ABR: variants seen among roughly 807,000 people sequenced by gnomAD.
The protein encoded by ABR is active breakpoint cluster region-related protein.
ABR carries 35 observed loss-of-function variants against 107.2 expected under a neutral mutation model. The observed-to-expected ratio is 0.33, with a 90% CI of 0.25 to 0.43. ABR has a LOEUF of 0.43. ABR is among the 20% of genes least tolerant of loss of function. The probability of loss-of-function intolerance (pLI) is 1.00; values close to 1 mark genes in which losing one functional copy is unlikely to be tolerated. For missense variants in ABR, 815 were observed against 1,115.2 expected, an observed-to-expected ratio of 0.73 and a Z score of 3.83; for synonymous variants, 498 against 462.0, an observed-to-expected ratio of 1.08 and a Z score of -1.00.
At chr17:1,061,640 G>C (rs1308167611) in intron 10 of ABR, among the ~76,000 whole-genome samples, 3 of 151,820 alleles carry the variant, frequency 2.0e-5, no homozygotes, top group Non-Finnish European at 4.4e-5. Context: ...TCCACCTCCC[G>C]GGTTCACACA....
chr17:1,179,791 CG>C lies in ABR; in HGVS notation c.-65del. On this transcript the variant is annotated 5_prime_UTR_variant, in exon 1 of 23. Coordinates refer to ENST00000302538, the MANE Select transcript of ABR (RefSeq NM_021962.5). The surrounding 1 kb of genome is among the most constrained non-coding windows in gnomAD (Gnocchi z 4.9). Reference sequence around the variant, plus strand: ...TCATCGCGCAACAAAGGAGGGAGAGCGGGCGGGAGCCGGGGGAGGCCGAAGT... The same window carrying C: ...TCATCGCGCAACAAAGGAGGGAGAGCGGCGGGAGCCGGGGGAGGCCGAAGT... The C allele has an allele frequency of 1.0e-5, 3 of 288,650 alleles. No individual in the cohort carries two copies. The highest frequency in any genetic ancestry group is 2.1e-5 in the Non-Finnish European group (3 of 141,796). 17.9% of individuals were successfully genotyped at this position (288,650 alleles called of 1,614,324 possible).
At chr17:1,062,901 G>A (rs1252230899) in intron 10 of ABR, among the ~76,000 whole-genome samples, 1 of 143,732 alleles carries the variant, frequency 7.0e-6, no homozygotes, top group African/African-American at 2.5e-5. Flanking sequence ...GGCTATGCAT[G>A]TTCCTCTAGA....
At chr17:1,103,254 G>T (rs1567761405) in intron 2 of ABR, among the ~76,000 whole-genome samples, 1 of 151,902 alleles carries the variant, frequency 6.6e-6, no homozygotes, top group Non-Finnish European at 1.5e-5. Flanking sequence ...ACCGAGAGTC[G>T]GGACTGCCAG....
At chr17:1,023,127 T>A (rs2457276) in intron 16 of ABR, among the ~76,000 whole-genome samples, 16,295 of 88,474 alleles carry the variant, frequency 0.18, 1,323 homozygotes, top group Middle Eastern at 0.26. Flanking sequence ...CTACAGCGCC[T>A]CTGCCGGCCC....
chr17:1,173,592 A>G (rs1175410802), intron 1 of ABR, among the ~76,000 whole-genome samples: 2 of 151,990 alleles, frequency 1.3e-5, no homozygotes, highest in African/African-American at 4.8e-5. Context: ...AGCGAGTACA[A>G]TGACCAAATC....
rs1272729256 is a variant in ABR at position 1,084,824 on chromosome 17, T to C, written c.532-1197A>G. Among the ~76,000 whole-genome samples the C allele has an allele frequency of 6.6e-6, 1 of 152,222 alleles. No homozygotes were observed. Among genetic ancestry groups the C allele is most frequent in the African/African-American group, 2.4e-5 (1 of 41,456 alleles). ...TAAACTCCCTGTTTTTGTTTTTGTTTTGAGATGGAGTTTCGCTCTTGTTGC... is the reference window on the plus strand; with the variant it reads ...TAAACTCCCTGTTTTTGTTTTTGTTCTGAGATGGAGTTTCGCTCTTGTTGC... On this transcript the variant is annotated intron_variant, in intron 4 of 22. Transcript: ENST00000302538. This position sits in a 1 kb window ranked among gnomAD's most constrained non-coding sequence, Gnocchi z 4.2.
At chr17:1,025,125 A>AAAAAAAAAAAAAAAC in intron 16 of ABR, among the ~76,000 whole-genome samples, 1 of 141,172 alleles carries the variant, frequency 7.1e-6, no homozygotes. Context: ...GTCTCAAAAA[A>AAAAAAAAAAAAAAAC]AAAAAAAAAA....
chr17:1,089,100 G>A (rs1279631790), intron 4 of ABR, among the ~76,000 whole-genome samples: 1 of 151,976 alleles, frequency 6.6e-6, no homozygotes, highest in Non-Finnish European at 1.5e-5. Context: ...GTTCCACCAT[G>A]TAGGCCAGGC....
intron 10 of ABR, among the ~76,000 whole-genome samples, chr17:1,059,562 T>C (rs1421703815): frequency 3.3e-5 from 5 of 152,188 alleles, no homozygotes; most frequent in African/African-American, 1.2e-4. Flanking sequence ...AAGGCCCCCA[T>C]GGCAGGGTTC....
At chr17:1,155,792 T>C (rs984472078) in intron 1 of ABR, among the ~76,000 whole-genome samples, 1 of 151,756 alleles carries the variant, frequency 6.6e-6, no homozygotes, top group Non-Finnish European at 1.5e-5. Context: ...AGTAAAACCC[T>C]GTCTCTACTA....
chr17:1,058,055 G>C lies in ABR; in HGVS notation c.1306-10C>G. 1 of 1,609,930 alleles carries C rather than the reference G, an allele frequency of 6.2e-7. No individual in the cohort carries two copies. The highest frequency in any genetic ancestry group is 8.5e-7 in the Non-Finnish European group (1 of 1,177,280). On this transcript the variant is annotated splice_polypyrimidine_tract_variant and intron_variant, in intron 11 of 22. Coordinates refer to ENST00000302538, the MANE Select transcript of ABR (RefSeq NM_021962.5). The stretch of plus-strand genomic sequence containing the variant: ...GTAGGAACAGGTAACTCTGAAGAGA[G>C]GAGATAAGCATAAAGTGGGTGACCA...
chr17:1,218,190 T>G (rs1262141106), intron 1 of ABR, among the ~76,000 whole-genome samples: 1 of 152,104 alleles, frequency 6.6e-6, no homozygotes, highest in Non-Finnish European at 1.5e-5. Flanking sequence ...CAACACCAAG[T>G]GAGGTACAAT....
In ABR at chr17:1,157,827, C is replaced by G. The variant is rs1259680218; in HGVS notation, c.61+21840G>C. Reference sequence around the variant, plus strand: ...CCAGGCAGACCCACGATGGGGTGCACTCAGCCCCGTATCATTCATGCTGCA... The same window carrying G: ...CCAGGCAGACCCACGATGGGGTGCAGTCAGCCCCGTATCATTCATGCTGCA... On this transcript the variant is annotated intron_variant, in intron 1 of 22. Transcript: ENST00000302538. The surrounding 1 kb of genome is among the most constrained non-coding windows in gnomAD (Gnocchi z 4.7). Among the ~76,000 whole-genome samples, 1 of 152,246 alleles carries G rather than the reference C, an allele frequency of 6.6e-6. No homozygotes were observed.
In ABR at chr17:1,179,821, G is replaced by A; in HGVS notation, c.-94C>T. On this transcript the variant is annotated 5_prime_UTR_variant, in exon 1 of 23. Coordinates refer to ENST00000302538, the MANE Select transcript of ABR (RefSeq NM_021962.5). The surrounding 1 kb of genome is among the most constrained non-coding windows in gnomAD (Gnocchi z 4.9). The stretch of plus-strand genomic sequence containing the variant: ...GGGAGCCGGGGGAGGCCGAAGTTGC[G>A]AGCGCGGAGGGGCGAGGAGGCCGGG... The A allele has an allele frequency of 7.8e-7, 1 of 1,276,364 alleles. No homozygotes were observed. The highest frequency in any genetic ancestry group is 1.6e-5 in the African/African-American group (1 of 63,804). 79.1% of individuals were successfully genotyped at this position (1,276,364 alleles called of 1,614,324 possible).
At chr17:1,028,150 GCA>G (rs2072376958) in intron 16 of ABR, among the ~76,000 whole-genome samples, 7 of 152,218 alleles carry the variant, frequency 4.6e-5, no homozygotes, top group East Asian at 1.9e-4. Flanking sequence ...GAGTGCAGTG[GCA>G]TGATCTCGGC....
At chr17:1,022,106 C>CCAAAAAAAAAAA (rs2071716708) in intron 16 of ABR, among the ~76,000 whole-genome samples, 1 of 39,232 alleles carries the variant, frequency 2.5e-5, no homozygotes, top group South Asian at 8.6e-4. Context: ...GACTCTGTCT[C>CCAAAAAAAAAAA]AAAAAAAAAA....
At chr17:1,063,804 C>T (rs2034343490) in intron 10 of ABR, among the ~76,000 whole-genome samples, 2 of 149,700 alleles carry the variant, frequency 1.3e-5, no homozygotes, top group African/African-American at 5.0e-5. Context: ...ATGCATGTTC[C>T]TCTAGACACT....
At chr17:1,132,627 T>G (rs537241462) in intron 1 of ABR, among the ~76,000 whole-genome samples, 2 of 152,136 alleles carry the variant, frequency 1.3e-5, no homozygotes, top group South Asian at 4.2e-4. Flanking sequence ...TCCACCCACC[T>G]CGGCCTCCCA....
intron 16 of ABR, among the ~76,000 whole-genome samples, chr17:1,042,368 TG>T (rs1479321045): frequency 6.7e-6 from 1 of 149,924 alleles, no homozygotes; most frequent in African/African-American, 2.5e-5. Flanking sequence ...CACGAACGGA[TG>T]GATAAACAGA....
Sources: allele counts gnomAD v4.1 joint callset (sites outside exome capture counted in the v4.1 genomes callset), GRCh38; gene constraint gnomAD v4.1.1; non-coding constraint Gnocchi (gnomAD v3.1); transcripts MANE v1.5; gene names NCBI Gene and HGNC (gene_info 2026-07-23, HGNC 2026-07-21).